The following EPHA1 variants were observed in gnomAD, a reference collection of about 807,000 sequenced individuals.
EPHA1 encodes EPH receptor A1.
Under a neutral mutation model 110.1 loss-of-function variants are expected in EPHA1, and 92 were observed. The observed-to-expected ratio is 0.84, with a 90% CI of 0.71 to 0.99. The LOEUF (loss-of-function observed/expected upper bound fraction) is 0.99, where lower values mean the gene tolerates loss of function less well. EPHA1 is among the 50% of genes least tolerant of loss of function. The pLI is 0.00. For synonymous variants in EPHA1, 500 were observed against 516.1 expected (o/e 0.97, Z 0.42); for missense variants, 1,204 against 1,285.4 (o/e 0.94, Z 0.97).
rs1805151512 is a variant in EPHA1 at position 143,393,654 on chromosome 7, T to A, written c.2696+17A>T. 2 of 1,611,564 alleles carry A rather than the reference T, an allele frequency of 1.2e-6. No individual in the cohort carries two copies. The highest frequency in any genetic ancestry group is 2.7e-5 in the African/African-American group (2 of 74,852). On this transcript the variant is annotated intron_variant, in intron 16 of 17. Transcript: ENST00000275815. This position sits in a 1 kb window ranked among gnomAD's most constrained non-coding sequence, Gnocchi z 5.6. The stretch of plus-strand genomic sequence containing the variant: ...GCGCTGCCTCTGGGTTCCCTAGTCC[T>A]TCCCCTGCATGGTTACCTGGGGTCA...
At position 143,393,035 on chromosome 7, in the gene EPHA1, A is replaced by G. The variant is rs1805135609; in HGVS notation, c.2696+636T>C. On this transcript the variant is annotated intron_variant, in intron 16 of 17. Coordinates refer to ENST00000275815, the MANE Select transcript of EPHA1 (RefSeq NM_005232.5). The surrounding 1 kb of genome is among the most constrained non-coding windows in gnomAD (Gnocchi z 5.6). ...CTTTGTGTTGACTGGTTGTCTCTCC[A>G]GCCTCATGGCTGCTATTCCTAAACA... 6.6e-6 allele frequency among the ~76,000 whole-genome samples: 1 copy of G among 152,088 alleles called. No homozygotes were observed. The highest frequency in any genetic ancestry group is 2.1e-4 in the South Asian group (1 of 4,818).
At chr7:143,398,522 C>T (rs971782046) in intron 6 of EPHA1, 74 bp from the exon 7 acceptor site, 20 of 1,608,702 alleles carry the variant, frequency 1.2e-5, no homozygotes, top group Non-Finnish European at 1.6e-5. Flanking sequence ...CTATGGCTTC[C>T]TGCCCATCAG....
At position 143,399,245 on chromosome 7, in the gene EPHA1, C is replaced by T. The variant is rs1408165430; in HGVS notation, c.991+13G>A. 2 of 1,609,794 alleles carry T rather than the reference C, an allele frequency of 1.2e-6. No homozygotes were observed. Among genetic ancestry groups the T allele is most frequent in the Non-Finnish European group, 8.5e-7 (1 of 1,178,932 alleles). On this transcript the variant is annotated intron_variant, in intron 5 of 17. Transcript: ENST00000275815. ...CTCCCTCCAGATGGCCACGCCCCAC[C>T]CCCTGGACTCACCTGTGCATGCCAC...
At chr7:143,398,095 G>T (rs771498303) in intron 7 of EPHA1, 25 bp from the exon 8 acceptor site, 1 of 1,612,962 alleles carries the variant, frequency 6.2e-7, no homozygotes, top group Non-Finnish European at 8.5e-7. Context: ...TGCATTAAGT[G>T]GGCAGTGCTG....
Position 143,395,747 on chromosome 7 carries a change from G to C in EPHA1, c.1898-243C>G. On this transcript the variant is annotated intron_variant, in intron 11 of 17. Coordinates refer to ENST00000275815, the MANE Select transcript of EPHA1 (RefSeq NM_005232.5). This position sits in a 1 kb window ranked among gnomAD's most constrained non-coding sequence, Gnocchi z 4.7. ...TTTGCACAGTTCTTGGCTCACAATA[G>C]GCGCTCGGCAACTGCAGGGTGAATG... is the stretch of plus-strand genomic sequence containing the variant. 1 of 557,892 alleles carries C rather than the reference G, an allele frequency of 1.8e-6. No individual in the cohort carries two copies. The highest frequency in any genetic ancestry group is 3.2e-6 in the Non-Finnish European group (1 of 313,092). 34.6% of individuals were successfully genotyped at this position (557,892 alleles called of 1,614,324 possible).
In EPHA1 at chr7:143,394,266, C is replaced by T. The variant is rs1193453669; in HGVS notation, c.2430G>A (p.Trp810Ter). Residue 810 changes from tryptophan (W) to a stop codon, truncating the protein, a stop_gained, in exon 15 of 18, where the codon TGG becomes TGA. Transcript: ENST00000275815. LOFTEE classifies it high-confidence loss of function. ...CCTCCCACATCACAATCCCAAAGCT[C>T]CACACATCGCTGGCTGTGGTGAAGA... ...HRIFTTASDV[W>*]SFGIVMWEVL... The T allele has an allele frequency of 1.2e-6, 2 of 1,614,076 alleles. No individual in the cohort carries two copies. The highest frequency in any genetic ancestry group is 1.7e-5 in the Admixed American group (1 of 60,014).
rs528990902 is a variant in EPHA1 at position 143,403,164 on chromosome 7, C to T, written c.151-1559G>A. On this transcript the variant is annotated intron_variant, in intron 2 of 17. Transcript: ENST00000275815. Reference sequence around the variant, plus strand: ...GGCAGATTCCCTGAGGTCAGGAGTTCGAGACCAGCTTGGCCAACAAGGCAA... The same window carrying T: ...GGCAGATTCCCTGAGGTCAGGAGTTTGAGACCAGCTTGGCCAACAAGGCAA... Among the ~76,000 whole-genome samples the T allele has an allele frequency of 4.6e-5, 7 of 152,240 alleles. No homozygotes were observed. The East Asian group carries it at 1.2e-3, about 25-fold the overall frequency.
In EPHA1 at chr7:143,395,086, A is replaced by G. The variant is rs1203184604; in HGVS notation, c.2145+35T>C. On this transcript the variant is annotated intron_variant, in intron 13 of 17. Transcript: ENST00000275815. This position sits in a 1 kb window ranked among gnomAD's most constrained non-coding sequence, Gnocchi z 4.7. The stretch of plus-strand genomic sequence containing the variant: ...CCCAGTGCCCAGGGTACCATGGTGC[A>G]TCCCCCTCCCCAGCTAGTCCTCTGC... 6.2e-7 allele frequency: 1 copy of G among 1,613,708 alleles called. No homozygotes were observed. The highest frequency in any genetic ancestry group is 1.3e-5 in the African/African-American group (1 of 74,878).
chr7:143,402,004 A>G (rs1239854599), intron 2 of EPHA1, among the ~76,000 whole-genome samples: 1 of 152,012 alleles, frequency 6.6e-6, no homozygotes, highest in Non-Finnish European at 1.5e-5. Context: ...GGTATAATCA[A>G]AGCTCACTAT....
In EPHA1 at chr7:143,394,199, G is replaced by A. The variant is rs1563114662; in HGVS notation, c.2497C>T (p.Gln833Ter). 17 of 1,612,410 alleles carry A rather than the reference G, an allele frequency of 1.1e-5. No individual in the cohort carries two copies. The highest frequency in any genetic ancestry group is 1.4e-5 in the Non-Finnish European group (17 of 1,178,892). ...GAAGAATATTCTGGGCTCACCTCCT[G>A]ATTGCTCATCTCCCCATAAGGCTTG... ...GDKPYGEMSN[Q>*]EVMKSIEDGY... Residue 833 changes from glutamine to a stop codon, truncating the protein, a stop_gained, in exon 15 of 18, where the codon CAG (glutamine) becomes TAG (stop). Transcript: ENST00000275815. LOFTEE classifies it high-confidence loss of function.
intron 2 of EPHA1, 123 bp downstream of exon 2, chr7:143,407,488 C>G: frequency 2.1e-6 from 2 of 945,634 alleles, no homozygotes; most frequent in South Asian, 1.6e-5. Context: ...CTCCTCTCCC[C>G]CTCCCTGAGG....
intron 10 of EPHA1, chr7:143,396,747 T>A: frequency 2.2e-6 from 1 of 461,412 alleles, no homozygotes; most frequent in Non-Finnish European, 3.9e-6. Flanking sequence ...GTGGCCAGGA[T>A]CCACACCCGC....
At position 143,391,198 on chromosome 7, in the gene EPHA1, T is replaced by G; in HGVS notation, c.*259A>C. ...ATCAGTTCCTGTTTATTTACAAAAA[T>G]ATATATATGTGTATGTATGTATATA... On this transcript the variant is annotated 3_prime_UTR_variant, in exon 18 of 18. Transcript: ENST00000275815. 2.2e-6 allele frequency: 1 copy of G among 448,700 alleles called. No individual in the cohort carries two copies. The highest frequency in any genetic ancestry group is 4.0e-6 in the Non-Finnish European group (1 of 252,256). 27.8% of individuals were successfully genotyped at this position (448,700 alleles called of 1,614,324 possible).
rs889892936 is a variant in EPHA1 at position 143,407,672 on chromosome 7, A to G, written c.89T>C (p.Leu30Pro). 4.3e-6 allele frequency: 7 copies of G among 1,613,228 alleles called. No homozygotes were observed. The highest frequency in any genetic ancestry group is 1.3e-5 in the African/African-American group (1 of 74,972). Residue 30 changes from leucine to proline, a missense_variant, in exon 2 of 18, where the codon CTG becomes CCG. By Grantham distance (98) the Leu-to-Pro change is moderately conservative. Coordinates refer to ENST00000275815, the MANE Select transcript of EPHA1 (RefSeq NM_005232.5). ...TCCCTGTGCCTTGCTTGTGTCCATC[A>G]GAGTAACTGAAAGTGGGGAGAAAAG... ...PPGARAKEVT[L>P]MDTSKAQGEL...
rs970166372 is a variant in EPHA1, at chr7:143,401,200, G to C, written c.432+124C>G. On this transcript the variant is annotated intron_variant, in intron 3 of 17. Coordinates refer to ENST00000275815, the MANE Select transcript of EPHA1 (RefSeq NM_005232.5). The surrounding 1 kb of genome is among the most constrained non-coding windows in gnomAD (Gnocchi z 4.1). ...AAGCCACCATGCCCAGCCTTCAAGC[G>C]CCAAATTCTTTTCAAGATTCTACCT... 7.6e-7 allele frequency: 1 copy of C among 1,313,500 alleles called. No individual in the cohort carries two copies. Among genetic ancestry groups the C allele is most frequent in the Non-Finnish European group, 1.0e-6 (1 of 964,052 alleles). 81.4% of individuals were successfully genotyped at this position (1,313,500 alleles called of 1,614,324 possible).
At chr7:143,394,596 A>G (rs1022825970) in intron 14 of EPHA1, among the ~76,000 whole-genome samples, 4 of 151,838 alleles carry the variant, frequency 2.6e-5, no homozygotes, top group African/African-American at 9.7e-5. Context: ...AATTTTTTGT[A>G]TTTTTAGTAG....
rs1166389916 is a variant in EPHA1 at position 143,391,631 on chromosome 7, C to A, written c.2841G>T (p.Glu947Asp). 10 of 1,614,164 alleles carry A rather than the reference C, an allele frequency of 6.2e-6. No homozygotes were observed. The highest frequency in any genetic ancestry group is 8.5e-6 in the Non-Finnish European group (10 of 1,180,026). The part of the protein sequence containing the change: ...AGLDTMECVL[E>D]LTAEDLTQMG... ...CTCCAGCTCCTTACTCAGCGGTCAG[C>A]TCCAGCACACACTCCATGGTGTCCA... The change falls in exon 17 of 18, where the codon GAG (glutamate) becomes GAT (aspartate). Residue 947 changes from glutamate to aspartate, a missense_variant. Physicochemically the swap from Glu to Asp is conservative, Grantham distance 45. Coordinates refer to ENST00000275815, the MANE Select transcript of EPHA1 (RefSeq NM_005232.5).
intron 10 of EPHA1, 114 bp from the exon 11 acceptor site, chr7:143,396,624 G>T: frequency 1.5e-6 from 2 of 1,337,610 alleles, no homozygotes; most frequent in Non-Finnish European, 2.0e-6. Context: ...TGTTTCCCAA[G>T]GTGACTCCTG....
rs979224038 is a variant in EPHA1 at position 143,401,689 on chromosome 7, T to A, written c.151-84A>T. The A allele has an allele frequency of 1.2e-5, 18 of 1,524,542 alleles. No homozygotes were observed. Among genetic ancestry groups the A allele is most frequent in the African/African-American group, 4.1e-5 (3 of 72,970 alleles). 94.4% of individuals were successfully genotyped at this position (1,524,542 alleles called of 1,614,324 possible). A position where few individuals can be genotyped will look rare whatever the true frequency, so the allele number is the denominator to read the frequency against. ...TTTTTAGAGCTGATGGAGAAGCAGC[T>A]GTGTCAGAGCCCCTCAGGTTTATGC... On this transcript the variant is annotated intron_variant, in intron 2 of 17. Transcript: ENST00000275815. This position sits in a 1 kb window ranked among gnomAD's most constrained non-coding sequence, Gnocchi z 4.1.
Sources: allele counts gnomAD v4.1 joint callset (sites outside exome capture counted in the v4.1 genomes callset), GRCh38; gene constraint gnomAD v4.1.1; non-coding constraint Gnocchi (gnomAD v3.1); transcripts MANE v1.5; gene names NCBI Gene and HGNC (gene_info 2026-07-23, HGNC 2026-07-21).